The following DCTD variants were observed in gnomAD, a reference collection of about 807,000 sequenced individuals.
DCTD encodes the protein dCMP deaminase.
Under a neutral mutation model 21.0 loss-of-function variants are expected in DCTD, and 23 were observed. The observed-to-expected ratio is 1.09, with a 90% confidence interval of 0.79 to 1.55. The LOEUF is 1.55. Ranked by LOEUF, DCTD falls within the 40% of genes most tolerant of loss-of-function variation. DCTD has a pLI of 0.00. For synonymous variants in DCTD, 71 were observed against 81.1 expected (o/e 0.88, Z 0.67); for missense variants, 224 against 230.0 (o/e 0.97, Z 0.17).
Position 182,891,054 on chromosome 4 carries a change from G to A in DCTD, c.*345C>T, listed in dbSNP as rs1733648344. ...CTTCCAGCACATGTAGCAGTGAAGA[G>A]AGGCTGCCGGATCGCAGCAGATGAC... On this transcript the variant is annotated 3_prime_UTR_variant, in exon 6 of 6. Coordinates refer to ENST00000438320, the MANE Select transcript of DCTD (RefSeq NM_001921.3). 4.3e-6 allele frequency: 1 copy of A among 232,430 alleles called. No individual in the cohort carries two copies. Among genetic ancestry groups the A allele is most frequent in the Admixed American group, 5.1e-5 (1 of 19,598 alleles). The allele number at this position is 232,430 out of a possible 1,614,324, so 14.4% of individuals were successfully genotyped here. A position where few individuals can be genotyped will look rare whatever the true frequency, so the allele number is the denominator to read the frequency against.
Position 182,893,063 on chromosome 4 carries a change from C to A in DCTD, c.426G>T (p.Arg142Ser), listed in dbSNP as rs868801856. The change falls in exon 5 of 6, where the codon AGG becomes AGT. Residue 142 changes from arginine (R) to serine (S), a missense_variant. By Grantham distance (110) the Arg-to-Ser change is moderately radical. Transcript: ENST00000438320. Reference protein sequence around the residue: ...YHDSDEATAARLLFNMAGVTF... With the variant: ...YHDSDEATAASLLFNMAGVTF... ...TCACCCCGGCCATATTAAACAGGAG[C>A]CTCGCAGCAGTTGCCTCGTCACTAT... 3 of 1,613,018 alleles carry A rather than the reference C, an allele frequency of 1.9e-6. No individual in the cohort carries two copies. In the South Asian group the frequency reaches 3.3e-5, roughly 18 times the overall value.
At position 182,894,559 on chromosome 4, in the gene DCTD, A is replaced by G. The variant is rs772271392; in HGVS notation, c.291T>C (p.Asp97=). 1.8e-5 allele frequency: 29 copies of G among 1,614,120 alleles called. No homozygotes were observed. The South Asian group carries it at 2.7e-4, about 15-fold the overall frequency. ...LNAIMNKNST[D]VKGCSMYVAL... ...CAACATACATACTACAGCCTTTCAC[A>G]TCGGTCGAATTTTTGTTCATGATGG... The change falls in exon 4 of 6, where the codon GAT becomes GAC. Residue 97 remains aspartate (D), a synonymous_variant. Transcript: ENST00000438320.
At chr4:182,902,295 T>C (rs1735885833) in intron 3 of DCTD, among the ~76,000 whole-genome samples, 1 of 152,208 alleles carries the variant, frequency 6.6e-6, no homozygotes, top group African/African-American at 2.4e-5. Flanking sequence ...TTTCTAGAAT[T>C]TGGTCCCAAA....
At position 182,893,139 on chromosome 4, in the gene DCTD, C is replaced by A; in HGVS notation, c.362-12G>T. 1 of 1,506,476 alleles carries A rather than the reference C, an allele frequency of 6.6e-7. No individual in the cohort carries two copies. Among genetic ancestry groups the A allele is most frequent in the South Asian group, 1.1e-5 (1 of 87,512 alleles). 93.3% of individuals were successfully genotyped at this position (1,506,476 alleles called of 1,614,324 possible). A position where few individuals can be genotyped will look rare whatever the true frequency, so the allele number is the denominator to read the frequency against. On this transcript the variant is annotated splice_polypyrimidine_tract_variant and intron_variant, in intron 4 of 5. Transcript: ENST00000438320. ...CACTTCTTTTATACCTGTAAGGTAA[C>A]AATGGGAGCTCCCTTAGTGTACGCA... is the stretch of plus-strand genomic sequence containing the variant.
chr4:182,892,583 C>T (rs570345457), intron 5 of DCTD, among the ~76,000 whole-genome samples: 15 of 151,918 alleles, frequency 9.9e-5, no homozygotes, highest in South Asian at 2.1e-4. Context: ...GAGCCAGGAT[C>T]GCACCACTGC....
At chr4:182,896,287 C>T (rs1734720684) in intron 3 of DCTD, among the ~76,000 whole-genome samples, 2 of 152,380 alleles carry the variant, frequency 1.3e-5, no homozygotes, top group South Asian at 4.1e-4. Flanking sequence ...GCAGCTACCT[C>T]TGTGTGCCTG....
intron 3 of DCTD, among the ~76,000 whole-genome samples, chr4:182,910,912 C>A (rs1737556046): frequency 6.6e-6 from 1 of 152,184 alleles, no homozygotes; most frequent in African/African-American, 2.4e-5. Context: ...CTCCTCCCCA[C>A]AAGGCATCAA....
intron 3 of DCTD, among the ~76,000 whole-genome samples, chr4:182,914,379 C>A (rs183560889): frequency 6.6e-6 from 1 of 152,376 alleles, no homozygotes; most frequent in Admixed American, 6.5e-5. Context: ...GAGGAAGCAA[C>A]TGGATCCTCC....
At chr4:182,891,909 G>A (rs1222948704) in intron 5 of DCTD, among the ~76,000 whole-genome samples, 1 of 150,856 alleles carries the variant, frequency 6.6e-6, no homozygotes, top group African/African-American at 2.4e-5. Context: ...TACCTTTAGT[G>A]AGGAGTAATT....
intron 4 of DCTD, among the ~76,000 whole-genome samples, chr4:182,893,506 G>T (rs1734182490): frequency 2.0e-5 from 3 of 152,222 alleles, no homozygotes; most frequent in Non-Finnish European, 4.4e-5. Context: ...AAATTCAGAG[G>T]TGGGCACCAC....
chr4:182,902,465 T>C (rs1735909388), intron 3 of DCTD, among the ~76,000 whole-genome samples: 1 of 152,156 alleles, frequency 6.6e-6, no homozygotes, highest in Non-Finnish European at 1.5e-5. Context: ...CTAAGATAGT[T>C]CCACCAGACA....
chr4:182,901,794 A>C (rs1218774119), intron 3 of DCTD, among the ~76,000 whole-genome samples: 1 of 149,902 alleles, frequency 6.7e-6, no homozygotes, highest in African/African-American at 2.5e-5. Flanking sequence ...AAAAAAAAAA[A>C]CTCAGTAATT....
At position 182,891,369 on chromosome 4, in the gene DCTD, C is replaced by T. The variant is rs201934184; in HGVS notation, c.*30G>A. The stretch of plus-strand genomic sequence containing the variant: ...GCAACCTCTTAGAAGACGATAATCC[C>T]AATCTTCTGGAGATTGAATGAGATG... On this transcript the variant is annotated 3_prime_UTR_variant, in exon 6 of 6. Transcript: ENST00000438320. 1.8e-4 allele frequency: 271 copies of T among 1,499,252 alleles called. No individual in the cohort carries two copies. Among genetic ancestry groups the T allele is most frequent in the Middle Eastern group, 6.8e-4 (4 of 5,860 alleles). 92.9% of individuals were successfully genotyped at this position (1,499,252 alleles called of 1,614,324 possible). A position where few individuals can be genotyped will look rare whatever the true frequency, so the allele number is the denominator to read the frequency against.
chr4:182,913,585 C>T (rs1044414810), intron 3 of DCTD, among the ~76,000 whole-genome samples: 1 of 152,216 alleles, frequency 6.6e-6, no homozygotes, highest in Non-Finnish European at 1.5e-5. Flanking sequence ...AGAAAACCTA[C>T]CAGGAGAGTC....
chr4:182,905,617 T>G (rs1052409653), intron 3 of DCTD, among the ~76,000 whole-genome samples: 7 of 152,164 alleles, frequency 4.6e-5, no homozygotes, highest in African/African-American at 1.2e-4. Flanking sequence ...AAAGCACTGC[T>G]CTGTGTGCTC....
rs1342158200 is a variant in DCTD, at chr4:182,890,292, T to C, written c.*1107A>G. 6.6e-6 allele frequency: 1 copy of C among 152,154 alleles called. No individual in the cohort carries two copies. The highest frequency in any genetic ancestry group is 2.4e-5 in the African/African-American group (1 of 41,432). The allele number at this position is 152,154 out of a possible 1,614,324, so 9.4% of individuals were successfully genotyped here. ...AGGTACTGAGCATGTTTAATAAAAA[T>C]TAAATGAGATTAAAGAGAAGGGGCA... On this transcript the variant is annotated 3_prime_UTR_variant, in exon 6 of 6. Transcript: ENST00000438320.
chr4:182,891,120 C>G lies in DCTD; in HGVS notation c.*279G>C, dbSNP rs997536937. 3 of 338,764 alleles carry G rather than the reference C, an allele frequency of 8.9e-6. No individual in the cohort carries two copies. The highest frequency in any genetic ancestry group is 8.7e-5 in the Admixed American group (2 of 22,866). 21.0% of individuals were successfully genotyped at this position (338,764 alleles called of 1,614,324 possible). Reference sequence around the variant, plus strand: ...CTCTGAAGAGCCACCAGCATCCCAGCCAGCCAGGACACAAGAAGGGGAGGC... The same window carrying G: ...CTCTGAAGAGCCACCAGCATCCCAGGCAGCCAGGACACAAGAAGGGGAGGC... On this transcript the variant is annotated 3_prime_UTR_variant, in exon 6 of 6. Transcript: ENST00000438320.
At chr4:182,897,983 C>T (rs1579685587) in intron 3 of DCTD, among the ~76,000 whole-genome samples, 1 of 152,346 alleles carries the variant, frequency 6.6e-6, no homozygotes, top group African/African-American at 2.4e-5. Flanking sequence ...TTGGGCCTGT[C>T]CTGAGGAGAC....
intron 3 of DCTD, among the ~76,000 whole-genome samples, chr4:182,903,630 T>A (rs1221645361): frequency 6.6e-6 from 1 of 151,950 alleles, no homozygotes; most frequent in East Asian, 1.9e-4. Flanking sequence ...GTCACTCACG[T>A]AAAAGGCAGC....
Sources: gnomAD v4.1 joint callset for allele counts (sites outside exome capture counted in the v4.1 genomes callset) on GRCh38, gnomAD v4.1.1 for gene constraint, MANE v1.5 for transcripts, NCBI Gene and HGNC (gene_info 2026-07-23, HGNC 2026-07-21) for gene names.